The following EPB41 variants were observed in gnomAD, a reference collection of about 807,000 sequenced individuals.
EPB41 encodes the protein protein 4.1.
Under a neutral mutation model 108.0 loss-of-function variants are expected in EPB41, and 65 were observed. The ratio of observed to expected loss-of-function variants is 0.60; its 90% CI spans 0.49 to 0.74. The LOEUF (loss-of-function observed/expected upper bound fraction) is 0.74. Among genes scored for constraint, EPB41 ranks in the 30% least tolerant of loss-of-function variants. The pLI, the probability that EPB41 is intolerant of heterozygous loss-of-function variation, is 0.00. For missense variants in EPB41, 875 were observed against 1,037.0 expected (o/e 0.84, Z 2.15); for synonymous variants, 336 against 358.9 (o/e 0.94, Z 0.72).
At chr1:29,097,493 G>A (rs1663626266) in intron 16 of EPB41, 4 of 387,638 alleles carry the variant, frequency 1.0e-5, no homozygotes, top group East Asian at 5.9e-5. Context: ...TTGGCAAATC[G>A]TTTTATATTC....
intron 1 of EPB41, among the ~76,000 whole-genome samples, chr1:28,917,010 T>G (rs2092721548): frequency 6.6e-6 from 1 of 152,026 alleles, no homozygotes; most frequent in Non-Finnish European, 1.5e-5. Flanking sequence ...AGGGTGGTCT[T>G]GAATTCCTGG....
chr1:28,892,807 T>TC (rs2090270425), intron 1 of EPB41, among the ~76,000 whole-genome samples: 1 of 144,834 alleles, frequency 6.9e-6, no homozygotes, highest in South Asian at 2.2e-4. Context: ...CTTTTTTTTT[T>TC]TTTTTTTTTT....
At chr1:28,915,731 C>CTTTTTT (rs11321625) in intron 1 of EPB41, among the ~76,000 whole-genome samples, 78 of 56,062 alleles carry the variant, frequency 1.4e-3, no homozygotes, top group Non-Finnish European at 1.7e-3. Context: ...TTTTCAGATG[C>CTTTTTT]TTTTTTTTTT....
At position 28,901,209 on chromosome 1, in the gene EPB41, G is replaced by A. The variant is rs549506609; in HGVS notation, c.-8+13999G>A. Reference sequence around the variant, plus strand: ...CTCCCAAAGTGCTGGGATTACAGGCGTGAGCCACTGCACCCGGCTATTTAT... The same window carrying A: ...CTCCCAAAGTGCTGGGATTACAGGCATGAGCCACTGCACCCGGCTATTTAT... On this transcript the variant is annotated intron_variant, in intron 1 of 16. Transcript: ENST00000347529. Among the ~76,000 whole-genome samples the A allele has an allele frequency of 3.0e-3, 451 of 149,364 alleles. 15 individuals carry two copies. The highest frequency in any genetic ancestry group is 4.8e-3 in the Non-Finnish European group (319 of 67,152).
intron 1 of EPB41, among the ~76,000 whole-genome samples, chr1:28,981,894 T>C (rs1157543970): frequency 6.6e-6 from 1 of 151,430 alleles, no homozygotes; most frequent in Non-Finnish European, 1.5e-5. Flanking sequence ...TTATTTTCTT[T>C]AAATTTTATT....
intron 16 of EPB41, among the ~76,000 whole-genome samples, chr1:29,089,535 A>T (rs1423349222): frequency 6.6e-6 from 1 of 152,230 alleles, no homozygotes; most frequent in East Asian, 1.9e-4. Context: ...ATGGGAACCA[A>T]AGAGGACTGG....
chr1:28,984,550 G>A (rs1463105538), intron 1 of EPB41, among the ~76,000 whole-genome samples: 1 of 152,032 alleles, frequency 6.6e-6, no homozygotes, highest in Non-Finnish European at 1.5e-5. Flanking sequence ...GAATCAATTA[G>A]TATCATGCAT....
At chr1:28,923,716 T>C (rs1042827084) in intron 1 of EPB41, among the ~76,000 whole-genome samples, 1 of 152,214 alleles carries the variant, frequency 6.6e-6, no homozygotes, top group Non-Finnish European at 1.5e-5. Context: ...TTTGGTATTT[T>C]GTAAGATGGA....
intron 17 of EPB41, among the ~76,000 whole-genome samples, chr1:29,102,109 G>A (rs956567427): frequency 6.6e-6 from 1 of 152,210 alleles, no homozygotes; most frequent in African/African-American, 2.4e-5. Context: ...AATTGTACAC[G>A]CTATTAGCCA....
rs1459299336 is a variant in EPB41, at chr1:28,979,187, G to A, written c.-7-8244G>A. Among the ~76,000 whole-genome samples the A allele has an allele frequency of 2.0e-5, 3 of 151,636 alleles. No homozygotes were observed. The East Asian group carries it at 5.8e-4, about 29-fold the overall frequency. ...GTTAAGTGTATGAGGCTACTTAGTG[G>A]TGAAAGATAAAAGTTTAAAAGCTAA... On this transcript the variant is annotated intron_variant, in intron 1 of 20. Transcript: ENST00000343067.
chr1:29,093,518 T>G (rs1662067015), intron 16 of EPB41, among the ~76,000 whole-genome samples: 1 of 152,246 alleles, frequency 6.6e-6, no homozygotes, highest in African/African-American at 2.4e-5. Context: ...TGATAGTTTC[T>G]TTCACTGTGC....
At chr1:29,047,579 C>A (rs1436966189) in intron 11 of EPB41, among the ~76,000 whole-genome samples, 1 of 151,868 alleles carries the variant, frequency 6.6e-6, no homozygotes. Flanking sequence ...AGGAAATGTG[C>A]ATTTTATCTA....
At chr1:28,921,903 A>G (rs559708613) in intron 1 of EPB41, among the ~76,000 whole-genome samples, 137 of 142,988 alleles carry the variant, frequency 9.6e-4, no homozygotes, top group African/African-American at 3.0e-3. Context: ...TGGTTTTTCC[A>G]GTGAAAATGT....
intron 17 of EPB41, among the ~76,000 whole-genome samples, chr1:29,104,164 G>A (rs985812379): frequency 3.9e-5 from 6 of 152,112 alleles, no homozygotes; most frequent in Admixed American, 3.9e-4. Context: ...TTGTTGTCAG[G>A]AATAAATGAA....
At chr1:29,022,658 T>C (rs1572616994) in intron 7 of EPB41, among the ~76,000 whole-genome samples, 1 of 151,964 alleles carries the variant, frequency 6.6e-6, no homozygotes, top group Non-Finnish European at 1.5e-5. Flanking sequence ...GAGGCGGTGG[T>C]TGCAGTGAGC....
chr1:29,094,165 T>G (rs1464231140), intron 16 of EPB41, among the ~76,000 whole-genome samples: 1 of 152,222 alleles, frequency 6.6e-6, no homozygotes, highest in Non-Finnish European at 1.5e-5. Flanking sequence ...TTCAGATAGT[T>G]GTAGGTGTGT....
At chr1:29,024,587 C>T (rs986016204) in intron 7 of EPB41, among the ~76,000 whole-genome samples, 2 of 151,818 alleles carry the variant, frequency 1.3e-5, no homozygotes, top group African/African-American at 2.4e-5. Flanking sequence ...GAGCCGAGAT[C>T]GCACCACTGC....
chr1:28,975,255 A>G (rs955408291), intron 1 of EPB41, among the ~76,000 whole-genome samples: 144 of 152,248 alleles, frequency 9.5e-4, no homozygotes, highest in African/African-American at 3.4e-3. Flanking sequence ...ATTACCATTT[A>G]CCAAAGTGGG....
At chr1:29,015,868 A>G in intron 6 of EPB41, 101 bp downstream of exon 6, 1 of 805,634 alleles carries the variant, frequency 1.2e-6, no homozygotes, top group Non-Finnish European at 2.1e-6. Context: ...CGTATTCAGA[A>G]CTGAAGAAAA....
Sources: gnomAD v4.1 joint callset for allele counts (sites outside exome capture counted in the v4.1 genomes callset) on GRCh38, gnomAD v4.1.1 for gene constraint, MANE v1.5 for transcripts, NCBI Gene and HGNC (gene_info 2026-07-23, HGNC 2026-07-21) for gene names.